ASPM: variants seen among roughly 807,000 people sequenced by gnomAD.
The protein encoded by ASPM is abnormal spindle-like microcephaly-associated protein.
ASPM carries 256 observed loss-of-function variants against 366.4 expected under a neutral mutation model. The ratio of observed to expected loss-of-function variants is 0.70; its 90% CI spans 0.63 to 0.77. ASPM has a LOEUF of 0.77. ASPM is among the 30% of genes least tolerant of loss of function. The pLI, the probability that ASPM is intolerant of heterozygous loss-of-function variation, is 0.00. For missense variants in ASPM, 4,146 were observed against 4,090.4 expected (o/e 1.01, Z -0.37); for synonymous variants, 1,414 against 1,342.9 (o/e 1.05, Z -1.16).
intron 9 of ASPM, 25 bp downstream of exon 9, chr1:197,129,162 A>C (rs1658182899): frequency 1.2e-6 from 2 of 1,605,376 alleles, no homozygotes; most frequent in Non-Finnish European, 1.7e-6. Flanking sequence ...AATATAAAAT[A>C]TAAAGCATAC....
At chr1:197,136,766 G>GCTA (rs1557962426) in intron 4 of ASPM, among the ~76,000 whole-genome samples, 2 of 152,028 alleles carry the variant, frequency 1.3e-5, no homozygotes, top group African/African-American at 4.8e-5. Context: ...AACTCTCCAT[G>GCTA]CTACATAAAT....
In ASPM at chr1:197,103,245, C is replaced by G; in HGVS notation, c.6006G>C (p.Lys2002Asn). 6.2e-7 allele frequency: 1 copy of G among 1,612,730 alleles called. No individual in the cohort carries two copies. Among genetic ancestry groups the G allele is most frequent in the South Asian group, 1.1e-5 (1 of 91,054 alleles). The change falls in exon 18 of 28, where the codon AAG becomes AAC. Residue 2002 changes from lysine to asparagine, a missense_variant. Coordinates refer to ENST00000367409, the MANE Select transcript of ASPM (RefSeq NM_018136.5). ...IMKKAALLIQKYYRAYSIGRE... is the reference protein window; with the variant it reads ...IMKKAALLIQNYYRAYSIGRE... ...TTCCAATACTGTAAGCCCTATAATA[C>G]TTTTGAATCAGAAGAGCAGCTTTTT...
chr1:197,125,618 T>C (rs1034314537), intron 10 of ASPM, among the ~76,000 whole-genome samples: 1 of 152,080 alleles, frequency 6.6e-6, no homozygotes, highest in Non-Finnish European at 1.5e-5. Flanking sequence ...TTAATTATTG[T>C]TAGATAAAGA....
In ASPM at chr1:197,104,725, C is replaced by T; in HGVS notation, c.4526G>A (p.Arg1509Lys). The T allele has an allele frequency of 1.2e-6, 2 of 1,609,562 alleles. No homozygotes were observed. The highest frequency in any genetic ancestry group is 8.5e-7 in the Non-Finnish European group (1 of 1,178,282). The change falls in exon 18 of 28, where the codon AGA becomes AAA. Residue 1509 changes from arginine to lysine, a missense_variant. Around this residue, in one of 3 missense-constraint regions of ASPM, gnomAD observed 3,624 missense variants for 3,591.7 expected, o/e 1.01. Transcript: ENST00000367409. ...RCFQAQKLYK[R>K]RKESILTIQK... ...GATGGTTAGTATGGACTCTTTTCTT[C>T]TTTTATATAACTTTTGGGCTTGAAA...
Position 197,093,041 on chromosome 1 carries a change from A to C in ASPM, c.9294+11T>G. On this transcript the variant is annotated intron_variant, in intron 21 of 27. Coordinates refer to ENST00000367409, the MANE Select transcript of ASPM (RefSeq NM_018136.5). ...TTATAAGAATGAGATATGCTACTTGAAAATACTTACTCTTTTTCGTACTAG... is the reference window on the plus strand; with the variant it reads ...TTATAAGAATGAGATATGCTACTTGCAAATACTTACTCTTTTTCGTACTAG... 7 of 1,589,894 alleles carry C rather than the reference A, an allele frequency of 4.4e-6. No individual in the cohort carries two copies. The highest frequency in any genetic ancestry group is 6.0e-6 in the Non-Finnish European group (7 of 1,159,680).
Position 197,103,840 on chromosome 1 carries a change from G to A in ASPM, c.5411C>T (p.Ala1804Val), listed in dbSNP as rs764281745. The change falls in exon 18 of 28, where the codon GCA (alanine) becomes GTA (valine). Residue 1804 changes from alanine to valine, a missense_variant. Physicochemically the swap from Ala to Val is moderately conservative, Grantham distance 64 (BLOSUM62 0). Around this residue, in one of 3 missense-constraint regions of ASPM, gnomAD observed 3,624 missense variants for 3,591.7 expected, o/e 1.01. Coordinates refer to ENST00000367409, the MANE Select transcript of ASPM (RefSeq NM_018136.5). The part of the protein sequence containing the change: ...QRKNFLQVKK[A>V]ATCLQAAYRG... ...GTAAGCTGCTTGCAAGCAAGTAGCT[G>A]CTTTTTTGACTTGCAAGAAGTTCTT... 3 of 1,612,946 alleles carry A rather than the reference G, an allele frequency of 1.9e-6. No homozygotes were observed. Among genetic ancestry groups the A allele is most frequent in the Non-Finnish European group, 2.5e-6 (3 of 1,179,362 alleles).
chr1:197,101,347 C>CA lies in ASPM; in HGVS notation c.7903dup (p.Cys2635LeufsTer2). 6.2e-7 allele frequency: 1 copy of CA among 1,610,774 alleles called. No individual in the cohort carries two copies. Among genetic ancestry groups the CA allele is most frequent in the Non-Finnish European group, 8.5e-7 (1 of 1,178,862 alleles). ...ATGCTTCCTTATTTTAAAGGCTTTA[C>CA]AATGCTTCTGAATAATAATGGCAGC... On this transcript the variant is annotated frameshift_variant, in exon 18 of 28. Transcript: ENST00000367409. LOFTEE classifies it high-confidence loss of function.
intron 27 of ASPM, among the ~76,000 whole-genome samples, chr1:197,085,489 C>G (rs1308165362): frequency 2.0e-5 from 3 of 152,102 alleles, no homozygotes; most frequent in African/African-American, 7.2e-5. Context: ...TTATTTTGTC[C>G]TGCTAAAAAT....
In ASPM at chr1:197,104,816, T is replaced by C; in HGVS notation, c.4435A>G (p.Lys1479Glu). Residue 1479 changes from lysine to glutamate, a missense_variant, in exon 18 of 28, where the codon AAA becomes GAA. Transcript: ENST00000367409. ...ATATAAATATATTTCCGTAATTCTTTATGCATTCTATACCATGATTGTATG... is the reference window on the plus strand; with the variant it reads ...ATATAAATATATTTCCGTAATTCTTCATGCATTCTATACCATGATTGTATG... ...IIIQSWYRMHKELRKYIYIRS... is the reference protein window; with the variant it reads ...IIIQSWYRMHEELRKYIYIRS... 4 of 1,579,882 alleles carry C rather than the reference T, an allele frequency of 2.5e-6. No individual in the cohort carries two copies. Among genetic ancestry groups the C allele is most frequent in the South Asian group, 1.2e-5 (1 of 84,634 alleles).
At chr1:197,105,334 T>C (rs1657378663) in intron 17 of ASPM, 149 bp from the exon 18 acceptor site, 2 of 714,938 alleles carry the variant, frequency 2.8e-6, no homozygotes, top group South Asian at 2.0e-5. Flanking sequence ...TTTGTCTCTT[T>C]TGTTTTTAGT....
chr1:197,125,239 G>GA (rs747617407), intron 10 of ASPM, 48 bp from the exon 11 acceptor site: 107 of 1,595,884 alleles, frequency 6.7e-5, no homozygotes, highest in Non-Finnish European at 8.4e-5. Context: ...AAACGTATAT[G>GA]AAAAAACCCT....
At chr1:197,114,698 T>C (rs1165929087) in intron 17 of ASPM, among the ~76,000 whole-genome samples, 1 of 151,440 alleles carries the variant, frequency 6.6e-6, no homozygotes, top group African/African-American at 2.4e-5. Context: ...CTCAGCTTCC[T>C]GAGTAGCTGG....
chr1:197,087,076 T>TC, intron 26 of ASPM, 104 bp from the exon 27 acceptor site: 1 of 1,081,534 alleles, frequency 9.2e-7, no homozygotes, highest in Non-Finnish European at 1.3e-6. Flanking sequence ...AGTAAACCTT[T>TC]TTTTTTTCTT....
chr1:197,095,068 G>A (rs1281897550), intron 19 of ASPM, among the ~76,000 whole-genome samples: 1 of 151,598 alleles, frequency 6.6e-6, no homozygotes, highest in Non-Finnish European at 1.5e-5. Context: ...CCATCACCTC[G>A]AACATTTATC....
In ASPM at chr1:197,124,074, A is replaced by T. The variant is rs143817001; in HGVS notation, c.3390+36T>A. 1.7e-5 allele frequency: 26 copies of T among 1,527,592 alleles called. No homozygotes were observed. In the African/African-American group the frequency reaches 2.5e-4, roughly 15 times the overall value. 94.6% of individuals were successfully genotyped at this position (1,527,592 alleles called of 1,614,324 possible). A position where few individuals can be genotyped will look rare whatever the true frequency, so the allele number is the denominator to read the frequency against. On this transcript the variant is annotated intron_variant, in intron 13 of 27. Coordinates refer to ENST00000367409, the MANE Select transcript of ASPM (RefSeq NM_018136.5). ...GTGACTTTCATCAAAATTTATTAAAATATATTGGGTTAAAACAAAAAACAA... is the reference window on the plus strand; with the variant it reads ...GTGACTTTCATCAAAATTTATTAAATTATATTGGGTTAAAACAAAAAACAA...
At chr1:197,094,983 ATATT>A (rs1412375221) in intron 19 of ASPM, among the ~76,000 whole-genome samples, 3 of 151,704 alleles carry the variant, frequency 2.0e-5, no homozygotes, top group African/African-American at 7.3e-5. Context: ...ATAGTTGTAA[ATATT>A]TACAGAGTAC....
intron 19 of ASPM, among the ~76,000 whole-genome samples, chr1:197,095,094 G>T (rs1230975576): frequency 6.6e-6 from 1 of 151,630 alleles, no homozygotes; most frequent in Non-Finnish European, 1.5e-5. Context: ...CTTCTATTAG[G>T]AAACTTCTAA....
intron 7 of ASPM, among the ~76,000 whole-genome samples, chr1:197,131,716 G>T (rs555218987): frequency 6.6e-6 from 1 of 151,792 alleles, no homozygotes; most frequent in Non-Finnish European, 1.5e-5. Flanking sequence ...CCACCATCAC[G>T]CCTGGCTGAT....
Position 197,103,635 on chromosome 1 carries a change from C to CA in ASPM, c.5615dup (p.Leu1872PhefsTer24). The CA allele has an allele frequency of 3.1e-6, 5 of 1,612,866 alleles. No homozygotes were observed. Among genetic ancestry groups the CA allele is most frequent in the Non-Finnish European group, 4.2e-6 (5 of 1,179,422 alleles). The stretch of plus-strand genomic sequence containing the variant: ...GGGAAATCACAGCTGCCTTTGTCTT[C>CA]AAAAAATGTGTTCTTGTATCATGAA... On this transcript the variant is annotated frameshift_variant, in exon 18 of 28. Transcript: ENST00000367409. LOFTEE classifies it high-confidence loss of function.
Sources: allele counts gnomAD v4.1 joint callset (sites outside exome capture counted in the v4.1 genomes callset), GRCh38; gene constraint gnomAD v4.1.1; regional missense constraint gnomAD v4.1.1; transcripts MANE v1.5; gene names NCBI Gene and HGNC (gene_info 2026-07-23, HGNC 2026-07-21).